The following PLCB4 variants were observed in gnomAD, a reference collection of about 807,000 sequenced individuals.
PLCB4 encodes 1-phosphatidylinositol 4,5-bisphosphate phosphodiesterase beta-4.
A neutral mutation model predicts 178.8 loss-of-function variants in PLCB4; 77 were observed. That is an observed-to-expected ratio of 0.43 (90% CI 0.36 to 0.52). The LOEUF is 0.52. PLCB4 is among the 20% of genes least tolerant of loss of function. The pLI is 0.00. For synonymous variants in PLCB4, 496 were observed against 490.8 expected (o/e 1.01, Z -0.14); for missense variants, 1,024 against 1,453.4 (o/e 0.70, Z 4.80).
At chr20:9,180,833 G>T (rs934681342) in intron 2 of PLCB4, among the ~76,000 whole-genome samples, 1 of 152,154 alleles carries the variant, frequency 6.6e-6, no homozygotes, top group Non-Finnish European at 1.5e-5. Context: ...ATTCTGTCTG[G>T]ATGCTATTTC....
At chr20:9,173,048 ACTATG>A (rs1298452647) in intron 2 of PLCB4, among the ~76,000 whole-genome samples, 2 of 152,184 alleles carry the variant, frequency 1.3e-5, no homozygotes, top group Non-Finnish European at 1.5e-5. Context: ...CAGATGATGA[ACTATG>A]CTTTGCTTGC....
intron 8 of PLCB4, among the ~76,000 whole-genome samples, chr20:9,364,078 A>G (rs2035574379): frequency 6.6e-6 from 1 of 152,242 alleles, no homozygotes; most frequent in South Asian, 2.1e-4. Flanking sequence ...TTGTTATGGT[A>G]TCCCTCCAAT....
intron 19 of PLCB4, among the ~76,000 whole-genome samples, chr20:9,398,067 T>G (rs1401713378): frequency 6.6e-6 from 1 of 152,158 alleles, no homozygotes; most frequent in East Asian, 1.9e-4. Context: ...CCTCTCTCTG[T>G]GACTTGGGCT....
chr20:9,395,611 CG>C lies in PLCB4; in HGVS notation c.1504del (p.Glu502LysfsTer53). On this transcript the variant is annotated frameshift_variant, in exon 19 of 40. Transcript: ENST00000378473. LOFTEE classifies it high-confidence loss of function. ...ILEDDNEEEI[E>X]SADQEEEAHP... ...TAGAGGACGATAATGAAGAGGAGATCGAAAGTGGTGAGCTGTTTGCTTTTAT... is the reference window on the plus strand; with the variant it reads ...TAGAGGACGATAATGAAGAGGAGATCAAAGTGGTGAGCTGTTTGCTTTTAT... 6.2e-7 allele frequency: 1 copy of C among 1,601,582 alleles called. No individual in the cohort carries two copies. The highest frequency in any genetic ancestry group is 8.6e-7 in the Non-Finnish European group (1 of 1,169,162).
rs373273500 is a variant in PLCB4, at chr20:9,474,073, C to T, written c.3495+708C>T. On this transcript the variant is annotated intron_variant, in intron 38 of 39. Transcript: ENST00000378473. Reference sequence around the variant, plus strand: ...CTCTACTAAAAATACAAAAATTAGCCGGGCCTGGTGGCATGCACCTGTAGT... The same window carrying T: ...CTCTACTAAAAATACAAAAATTAGCTGGGCCTGGTGGCATGCACCTGTAGT... Among the ~76,000 whole-genome samples, 32 of 152,128 alleles carry T rather than the reference C, an allele frequency of 2.1e-4. No individual in the cohort carries two copies. The South Asian group carries it at 2.3e-3, about 11-fold the overall frequency.
intron 3 of PLCB4, among the ~76,000 whole-genome samples, chr20:9,232,211 C>A (rs2147356164): frequency 6.6e-6 from 1 of 152,216 alleles, no homozygotes; most frequent in East Asian, 1.9e-4. Flanking sequence ...GGTTGATGGA[C>A]AGGCCTCTAA....
intron 1 of PLCB4, among the ~76,000 whole-genome samples, chr20:9,090,223 T>TTGTGTGTG (rs1205735706): frequency 4.4e-5 from 2 of 45,786 alleles, no homozygotes; most frequent in African/African-American, 7.9e-5. Context: ...AGAATACTAT[T>TTGTGTGTG]TATGTGTGTG....
intron 2 of PLCB4, among the ~76,000 whole-genome samples, chr20:9,151,516 G>A (rs1254133959): frequency 1.3e-5 from 2 of 152,042 alleles, no homozygotes; most frequent in South Asian, 4.2e-4. Context: ...AAATCTGATG[G>A]GTTTATCAGG....
intron 7 of PLCB4, among the ~76,000 whole-genome samples, chr20:9,351,156 G>A (rs62194817): frequency 6.7e-6 from 1 of 149,848 alleles, no homozygotes; most frequent in Non-Finnish European, 1.5e-5. Context: ...TTTTTTTTTG[G>A]AGGAGCTGGG....
intron 32 of PLCB4, among the ~76,000 whole-genome samples, chr20:9,449,499 G>A (rs768457073): frequency 3.3e-5 from 5 of 152,126 alleles, no homozygotes; most frequent in Non-Finnish European, 7.4e-5. Context: ...TGGGTCAGTC[G>A]TGTCCTCTTA....
chr20:9,280,388 G>A (rs1295090941), intron 3 of PLCB4: 1 of 870,750 alleles, frequency 1.1e-6, no homozygotes, highest in African/African-American at 1.8e-5. Context: ...GAGAAGGCAG[G>A]AAGACCTATC....
intron 2 of PLCB4, among the ~76,000 whole-genome samples, chr20:9,155,182 A>G (rs938448390): frequency 7.2e-6 from 1 of 139,754 alleles, no homozygotes; most frequent in African/African-American, 2.7e-5. Context: ...GCTCCCTCTT[A>G]TAAGTGAGAA....
intron 3 of PLCB4, among the ~76,000 whole-genome samples, chr20:9,306,403 A>C (rs2094767101): frequency 6.6e-6 from 1 of 151,532 alleles, no homozygotes; most frequent in East Asian, 1.9e-4. Context: ...GGCGTGAGCC[A>C]CTGAGCCCGG....
intron 28 of PLCB4, among the ~76,000 whole-genome samples, chr20:9,432,442 C>T (rs906011334): frequency 5.9e-5 from 9 of 152,144 alleles, no homozygotes; most frequent in African/African-American, 2.4e-5. Flanking sequence ...TTCCTAACCA[C>T]CCAGTCCTGT....
intron 4 of PLCB4, among the ~76,000 whole-genome samples, chr20:9,330,280 A>T (rs1359544935): frequency 6.6e-6 from 1 of 151,206 alleles, no homozygotes; most frequent in Non-Finnish European, 1.5e-5. Flanking sequence ...GCATAATGTG[A>T]TTTAAATTGA....
At chr20:9,293,758 T>C (rs1241071221) in intron 3 of PLCB4, among the ~76,000 whole-genome samples, 1 of 152,114 alleles carries the variant, frequency 6.6e-6, no homozygotes, top group Non-Finnish European at 1.5e-5. Context: ...GTTTACCAGG[T>C]AGGGTGGTGA....
At chr20:9,367,458 T>C (rs1053693734) in intron 9 of PLCB4, among the ~76,000 whole-genome samples, 1 of 152,254 alleles carries the variant, frequency 6.6e-6, no homozygotes, top group Non-Finnish European at 1.5e-5. Context: ...TGTTGGCAGA[T>C]ACTTTATGCT....
intron 2 of PLCB4, among the ~76,000 whole-genome samples, chr20:9,187,199 T>C (rs2147118823): frequency 6.6e-6 from 1 of 152,128 alleles, no homozygotes; most frequent in Non-Finnish European, 1.5e-5. Flanking sequence ...GGTCTCAAAC[T>C]CCTGACCTCA....
chr20:9,343,399 G>A (rs982223490), intron 7 of PLCB4, among the ~76,000 whole-genome samples: 1 of 152,152 alleles, frequency 6.6e-6, no homozygotes. Context: ...ACTTCTCAAA[G>A]AGGGTCTCTG....
Sources: gnomAD v4.1 joint callset for allele counts (sites outside exome capture counted in the v4.1 genomes callset) on GRCh38, gnomAD v4.1.1 for gene constraint, MANE v1.5 for transcripts, NCBI Gene and HGNC (gene_info 2026-07-23, HGNC 2026-07-21) for gene names.